SAMD4A: variants seen among roughly 807,000 people sequenced by gnomAD.
The protein encoded by SAMD4A is sterile alpha motif domain containing 4A, also known as protein Smaug homolog 1.
In SAMD4A, 33 loss-of-function variants were observed where a neutral mutation model predicts 81.3. That is an observed-to-expected ratio of 0.41 (90% CI 0.31 to 0.54). SAMD4A has a LOEUF of 0.54. SAMD4A is among the 20% of genes least tolerant of loss of function. The probability of loss-of-function intolerance (pLI) is 0.37; values close to 1 mark genes in which losing one functional copy is unlikely to be tolerated. For missense variants in SAMD4A, 854 were observed against 951.1 expected (o/e 0.90, Z 1.34); for synonymous variants, 389 against 382.1 (o/e 1.02, Z -0.21).
chr14:54,630,451 C>T, intron 2 of SAMD4A, among the ~76,000 whole-genome samples: 1 of 152,170 alleles, frequency 6.6e-6, no homozygotes, highest in East Asian at 1.9e-4. Flanking sequence ...GGCCATCGTC[C>T]CATGTGCTTA....
At chr14:54,719,158 T>C (rs2037198135) in intron 3 of SAMD4A, among the ~76,000 whole-genome samples, 1 of 152,160 alleles carries the variant, frequency 6.6e-6, no homozygotes, top group East Asian at 1.9e-4. Context: ...GGGCTTTGGC[T>C]GGGCTATCAG....
chr14:54,732,553 CT>C (rs1382117515), intron 3 of SAMD4A, among the ~76,000 whole-genome samples: 2 of 151,860 alleles, frequency 1.3e-5, no homozygotes, highest in African/African-American at 4.8e-5. Flanking sequence ...AAAAATTATG[CT>C]TTAAATAATT....
At chr14:54,750,897 C>T (rs958722213) in intron 5 of SAMD4A, among the ~76,000 whole-genome samples, 1 of 152,216 alleles carries the variant, frequency 6.6e-6, no homozygotes, top group Non-Finnish European at 1.5e-5. Context: ...CTCTAAGATA[C>T]AGGAAGATAC....
chr14:54,614,717 C>G (rs1381799612), intron 2 of SAMD4A, among the ~76,000 whole-genome samples: 4 of 152,074 alleles, frequency 2.6e-5, no homozygotes, highest in African/African-American at 2.4e-5. Context: ...GAATGCAAAG[C>G]CTTACAACAA....
intron 2 of SAMD4A, among the ~76,000 whole-genome samples, chr14:54,645,819 A>G (rs1239403066): frequency 6.6e-6 from 1 of 152,236 alleles, no homozygotes; most frequent in Admixed American, 6.5e-5. Flanking sequence ...CTGTTAAGAA[A>G]TGTTATGTCT....
intron 11 of SAMD4A, among the ~76,000 whole-genome samples, chr14:54,782,401 C>T (rs977352429): frequency 6.6e-6 from 1 of 151,904 alleles, no homozygotes; most frequent in African/African-American, 2.4e-5. Flanking sequence ...GATTTCACAC[C>T]CTGAAGACTG....
chr14:54,613,374 T>C (rs989730610), intron 2 of SAMD4A, among the ~76,000 whole-genome samples: 1 of 152,154 alleles, frequency 6.6e-6, no homozygotes, highest in African/African-American at 2.4e-5. Flanking sequence ...TCACCTCTAC[T>C]GGTAAGTAGG....
intron 2 of SAMD4A, among the ~76,000 whole-genome samples, chr14:54,653,496 C>T (rs979957092): frequency 2.6e-5 from 4 of 151,618 alleles, no homozygotes; most frequent in East Asian, 1.9e-4. Context: ...TGCGCCCTGA[C>T]GCCCAGATAA....
chr14:54,782,459 A>C (rs2039021425), intron 11 of SAMD4A, among the ~76,000 whole-genome samples: 1 of 152,182 alleles, frequency 6.6e-6, no homozygotes, highest in Non-Finnish European at 1.5e-5. Context: ...TGAAAATACT[A>C]AAATCTCTTC....
chr14:54,702,671 C>A, intron 3 of SAMD4A, 91 bp downstream of exon 3: 1 of 1,417,268 alleles, frequency 7.1e-7, no homozygotes, highest in Non-Finnish European at 9.7e-7. Flanking sequence ...CTCCATGCAC[C>A]CTGTGACCCT....
At chr14:54,595,891 G>C (rs921785612) in intron 2 of SAMD4A, among the ~76,000 whole-genome samples, 1 of 152,226 alleles carries the variant, frequency 6.6e-6, no homozygotes, top group Non-Finnish European at 1.5e-5. Context: ...GAGTGGGACT[G>C]ATAGTCTAAG....
chr14:54,714,814 C>G (rs1042499168), intron 3 of SAMD4A, among the ~76,000 whole-genome samples: 10 of 152,110 alleles, frequency 6.6e-5, no homozygotes, highest in Non-Finnish European at 8.8e-5. Context: ...AATAGGATCT[C>G]TGGGGAAGCC....
chr14:54,743,429 A>G (rs2037892309), intron 4 of SAMD4A, among the ~76,000 whole-genome samples: 1 of 152,182 alleles, frequency 6.6e-6, no homozygotes, highest in South Asian at 2.1e-4. Context: ...AGTCCTCAGG[A>G]TTCCCCCAAA....
At chr14:54,607,375 A>G (rs187512542) in intron 2 of SAMD4A, among the ~76,000 whole-genome samples, 1 of 152,230 alleles carries the variant, frequency 6.6e-6, no homozygotes, top group East Asian at 1.9e-4. Context: ...TACAGGATGG[A>G]AAGGGAGTCA....
At chr14:54,688,321 C>A in intron 2 of SAMD4A, 6 of 985,482 alleles carry the variant, frequency 6.1e-6, no homozygotes, top group Non-Finnish European at 6.0e-6. Flanking sequence ...GGCTCTCACG[C>A]CCAGGCTTCT....
intron 2 of SAMD4A, among the ~76,000 whole-genome samples, chr14:54,698,311 CAT>C: frequency 6.6e-6 from 1 of 152,278 alleles, no homozygotes; most frequent in Middle Eastern, 3.4e-3. Context: ...AATTCTGTAT[CAT>C]ATAACTATAG....
At position 54,790,672 on chromosome 14, in the gene SAMD4A, TTGTGTGTGTGTGTGTGTGTGTG is replaced by T. The variant is rs370482381; in HGVS notation, c.*1743_*1764del. The T allele has an allele frequency of 2.1e-5, 3 of 141,930 alleles. No homozygotes were observed. The highest frequency in any genetic ancestry group is 2.3e-4 in the South Asian group (1 of 4,368). 8.8% of individuals were successfully genotyped at this position (141,930 alleles called of 1,614,324 possible). A position where few individuals can be genotyped will look rare whatever the true frequency, so the allele number is the denominator to read the frequency against. On this transcript the variant is annotated 3_prime_UTR_variant, in exon 13 of 13. Transcript: ENST00000554335. ...TTACATGGATGAGTCGGGTGCCTGG[TTGTGTGTGTGTGTGTGTGTGTG>T]TGTGTGTGTGTGTGAAGTCAGAGTT... is the stretch of plus-strand genomic sequence containing the variant.
At chr14:54,678,518 G>GTGTGTGTGTGTGT (rs2036047972) in intron 2 of SAMD4A, among the ~76,000 whole-genome samples, 1 of 51,878 alleles carries the variant, frequency 1.9e-5, no homozygotes. Context: ...TGTGTGTGTA[G>GTGTGTGTGTGTGT]GTCAGGTGGG....
chr14:54,749,428 C>T (rs2038044778), intron 5 of SAMD4A, among the ~76,000 whole-genome samples: 1 of 152,180 alleles, frequency 6.6e-6, no homozygotes. Context: ...CAGGTCATGC[C>T]TCAGACCCGC....
Sources: gnomAD v4.1 joint callset for allele counts (sites outside exome capture counted in the v4.1 genomes callset) on GRCh38, gnomAD v4.1.1 for gene constraint, MANE v1.5 for transcripts, NCBI Gene and HGNC (gene_info 2026-07-23, HGNC 2026-07-21) for gene names.